The following RAB6A variants were observed in gnomAD, a reference collection of about 807,000 sequenced individuals.
RAB6A encodes ras-related protein Rab-6A.
Under a neutral mutation model 32.3 loss-of-function variants are expected in RAB6A, and 8 were observed. The ratio of observed to expected loss-of-function variants is 0.25; its 90% CI spans 0.15 to 0.45. The LOEUF is 0.45. RAB6A is among the 20% of genes least tolerant of loss of function. RAB6A has a pLI of 1.00. For synonymous variants in RAB6A, 73 were observed against 82.1 expected (o/e 0.89, Z 0.60); for missense variants, 104 against 249.4 (o/e 0.42, Z 3.93).
chr11:73,741,884 T>C (rs1285120840), intron 1 of RAB6A, among the ~76,000 whole-genome samples: 4 of 152,138 alleles, frequency 2.6e-5, no homozygotes, highest in South Asian at 2.1e-4. Context: ...CACAGCAAAA[T>C]TGAGAGGCAC....
intron 1 of RAB6A, among the ~76,000 whole-genome samples, chr11:73,735,665 T>C (rs1415701853): frequency 1.3e-5 from 2 of 152,196 alleles, no homozygotes; most frequent in African/African-American, 4.8e-5. Flanking sequence ...GGAAGCTTTA[T>C]TTATTTTTCC....
chr11:73,720,020 T>A (rs1027037718), intron 3 of RAB6A, among the ~76,000 whole-genome samples: 4 of 151,956 alleles, frequency 2.6e-5, no homozygotes, highest in African/African-American at 9.7e-5. Context: ...AAATAATGTT[T>A]TTGGGTGCAG....
At chr11:73,739,304 T>TATATATATATATATATATATATATAAAA (rs375733945) in intron 1 of RAB6A, among the ~76,000 whole-genome samples, 3 of 31,854 alleles carry the variant, frequency 9.4e-5, no homozygotes, top group African/African-American at 2.4e-4. Flanking sequence ...TATATATATA[T>TATATATATATATATATATATATATAAAA]AAATACTGGA....
At chr11:73,683,335 G>T (rs1483763990) in intron 6 of RAB6A, among the ~76,000 whole-genome samples, 1 of 143,062 alleles carries the variant, frequency 7.0e-6, no homozygotes, top group Middle Eastern at 4.3e-3. Flanking sequence ...GGCTCCCTGA[G>T]GTCTCGACCT....
At chr11:73,731,473 G>A (rs1160498797) in intron 1 of RAB6A, among the ~76,000 whole-genome samples, 2 of 142,518 alleles carry the variant, frequency 1.4e-5, no homozygotes, top group Non-Finnish European at 1.5e-5. Context: ...GAACCTAGGA[G>A]ATGGAGGTTG....
intron 5 of RAB6A, 66 bp downstream of exon 5, chr11:73,716,185 G>T (rs1227229791): frequency 3.2e-6 from 4 of 1,249,482 alleles, no homozygotes; most frequent in Non-Finnish European, 4.6e-6. Context: ...CAATTTCTCA[G>T]TGAACAAAAA....
At chr11:73,716,138 A>G in intron 5 of RAB6A, 113 bp downstream of exon 5, 1 of 707,270 alleles carries the variant, frequency 1.4e-6, no homozygotes, top group Non-Finnish European at 2.3e-6. Context: ...GCAGGGGAGG[A>G]CGTAAACTTA....
At chr11:73,718,926 ACCAAACTAATACTAAAAAG>A in intron 3 of RAB6A, 2 of 1,492,260 alleles carry the variant, frequency 1.3e-6, no homozygotes, top group Non-Finnish European at 1.8e-6. Flanking sequence ...AAAAAAAAAA[ACCAAACTAATACTAAAAAG>A]AAAAAAGAAA....
rs190757553 is a variant in RAB6A at position 73,692,366 on chromosome 11, G to C, written c.496-12646C>G. On this transcript the variant is annotated intron_variant, in intron 6 of 7. Coordinates refer to ENST00000336083, the MANE Select transcript of RAB6A (RefSeq NM_198896.2). ...AAAATACAAAAAATTAGCCGGGTGT[G>C]GTGGCAGGCGCCTGTAGTCCCAGCT... 5.2e-3 allele frequency among the ~76,000 whole-genome samples: 793 copies of C among 151,676 alleles called. 9 individuals are homozygous for C. The highest frequency in any genetic ancestry group is 0.018 in the African/African-American group (746 of 41,348).
intron 1 of RAB6A, among the ~76,000 whole-genome samples, chr11:73,746,167 GA>G (rs372704792): frequency 0.012 from 1,434 of 120,796 alleles, 25 homozygotes; most frequent in African/African-American, 0.041. Context: ...CAATTTAAAA[GA>G]AAAAAAAAAA....
intron 1 of RAB6A, among the ~76,000 whole-genome samples, chr11:73,758,646 T>A (rs1043217152): frequency 7.4e-5 from 11 of 149,436 alleles, no homozygotes; most frequent in African/African-American, 2.4e-4. Flanking sequence ...CTGAAGATAC[T>A]TAGGAAGTTA....
intron 6 of RAB6A, among the ~76,000 whole-genome samples, chr11:73,685,866 C>G: frequency 9.1e-6 from 1 of 110,096 alleles, no homozygotes; most frequent in Non-Finnish European, 1.7e-5. Context: ...GCCCAGGCAA[C>G]AAGAGTGAAA....
At chr11:73,759,947 T>A (rs2135028079) in intron 1 of RAB6A, 7,794 of 550,590 alleles carry the variant, frequency 0.014, no homozygotes, top group Non-Finnish European at 0.022. Context: ...AACCACCCCA[T>A]GCTCAAGTCG....
rs540123281 is a variant in RAB6A at position 73,676,303 on chromosome 11, C to T, written c.*1595G>A. The T allele has an allele frequency of 3.0e-5, 5 of 167,168 alleles. No individual in the cohort carries two copies. Among genetic ancestry groups the T allele is most frequent in the African/African-American group, 4.8e-5 (2 of 41,558 alleles). 10.4% of individuals were successfully genotyped at this position (167,168 alleles called of 1,614,324 possible). A position where few individuals can be genotyped will look rare whatever the true frequency, so the allele number is the denominator to read the frequency against. On this transcript the variant is annotated 3_prime_UTR_variant, in exon 8 of 8. Coordinates refer to ENST00000336083, the MANE Select transcript of RAB6A (RefSeq NM_198896.2). ...TGAGCTGTAACTCAGAAGTTTTCGT[C>T]CTGCAAACAATGTATTTACAAATGT... is the stretch of plus-strand genomic sequence containing the variant.
Position 73,760,177 on chromosome 11 carries a change from G to A in RAB6A, c.70+389C>T, listed in dbSNP as rs1048822385. 4.7e-5 allele frequency: 54 copies of A among 1,149,190 alleles called. 1 individual carries two copies. In the African/African-American group the frequency reaches 7.6e-4, roughly 16 times the overall value. The allele number at this position is 1,149,190 out of a possible 1,614,324, so 71.2% of individuals were successfully genotyped here. On this transcript the variant is annotated intron_variant, in intron 1 of 7. Transcript: ENST00000336083. ...GGCTTCCCTGAGTGGGCCTCACAGA[G>A]CTGAGGAACTGGGAAAAGAGCAAGG...
intron 2 of RAB6A, 156 bp downstream of exon 2, chr11:73,730,609 G>A: frequency 1.6e-6 from 1 of 617,114 alleles, no homozygotes; most frequent in Non-Finnish European, 2.8e-6. Context: ...CCTAGGACTG[G>A]ACAAAATCAT....
chr11:73,749,287 T>C (rs1214874210), intron 1 of RAB6A, among the ~76,000 whole-genome samples: 4 of 152,090 alleles, frequency 2.6e-5, no homozygotes, highest in Non-Finnish European at 5.9e-5. Flanking sequence ...TGTGTTCTCA[T>C]TTATATAAGC....
At chr11:73,681,266 CA>C (rs1195444930) in intron 6 of RAB6A, among the ~76,000 whole-genome samples, 1 of 152,152 alleles carries the variant, frequency 6.6e-6, no homozygotes, top group Non-Finnish European at 1.5e-5. Context: ...TGTGATGCTA[CA>C]AACAAAGTAA....
intron 6 of RAB6A, among the ~76,000 whole-genome samples, chr11:73,686,089 G>C (rs1207773488): frequency 6.6e-6 from 1 of 152,062 alleles, no homozygotes; most frequent in Non-Finnish European, 1.5e-5. Flanking sequence ...AAAACTGGTG[G>C]GAAAGATGTG....
Sources: allele counts gnomAD v4.1 joint callset (sites outside exome capture counted in the v4.1 genomes callset), GRCh38; gene constraint gnomAD v4.1.1; transcripts MANE v1.5; gene names NCBI Gene and HGNC (gene_info 2026-07-23, HGNC 2026-07-21).